The following GPAT3 variants were observed in gnomAD, a reference collection of about 807,000 sequenced individuals.
The protein encoded by GPAT3 is glycerol-3-phosphate acyltransferase 3, also known as 1-AGP acyltransferase 9.
In GPAT3, 53 loss-of-function variants were observed where a neutral mutation model predicts 58.8. The ratio of observed to expected loss-of-function variants is 0.90; its 90% CI spans 0.72 to 1.13. GPAT3 has a LOEUF of 1.13. GPAT3 is among the 50% of genes most tolerant of loss of function. The pLI is 0.00. For missense variants in GPAT3, 511 were observed against 527.6 expected, an observed-to-expected ratio of 0.97 and a Z score of 0.31; for synonymous variants, 197 against 187.4, an observed-to-expected ratio of 1.05 and a Z score of -0.42.
intron 1 of GPAT3, among the ~76,000 whole-genome samples, chr4:83,543,954 C>G (rs538084723): frequency 6.6e-6 from 1 of 152,096 alleles, no homozygotes; most frequent in Admixed American, 6.6e-5. Context: ...ATGATTTCAT[C>G]GAGTCCTTTC....
In GPAT3 at chr4:83,536,742, G is replaced by C; in HGVS notation, c.120G>C (p.Lys40Asn). ...TGGGCATCTCCGAGATCTACATGAAGATCCTAGTGAAAACTTTAGAGGTGA... is the reference window on the plus strand; with the variant it reads ...TGGGCATCTCCGAGATCTACATGAACATCCTAGTGAAAACTTTAGAGGTGA... The part of the protein sequence containing the change: ...VSLGISEIYM[K>N]ILVKTLEWAT... Residue 40 changes from lysine to asparagine, a missense_variant, in exon 1 of 12, where the codon AAG (lysine) becomes AAC (asparagine). By Grantham distance (94) the Lys-to-Asn change is moderately conservative. Transcript: ENST00000264409. 2.5e-6 allele frequency: 4 copies of C among 1,612,508 alleles called. No homozygotes were observed. The highest frequency in any genetic ancestry group is 3.4e-6 in the Non-Finnish European group (4 of 1,179,700).
intron 2 of GPAT3, among the ~76,000 whole-genome samples, chr4:83,552,824 G>T (rs933381709): frequency 3.3e-5 from 5 of 152,110 alleles, no homozygotes; most frequent in African/African-American, 1.2e-4. Context: ...TAGGAGGTGG[G>T]GCCTTTGGGA....
chr4:83,549,471 GTATATATA>G (rs57866394), intron 2 of GPAT3, among the ~76,000 whole-genome samples: 2 of 98,954 alleles, frequency 2.0e-5, no homozygotes, highest in African/African-American at 5.7e-5. Flanking sequence ...GTGTGTGTAT[GTATATATA>G]TATGAAATAT....
chr4:83,549,467 GTA>G (rs771797410), intron 2 of GPAT3, among the ~76,000 whole-genome samples: 45,872 of 147,480 alleles, frequency 0.31, 7,255 homozygotes, highest in Middle Eastern at 0.43. Flanking sequence ...GTGTGTGTGT[GTA>G]TGTATATATA....
chr4:83,573,903 C>T (rs1725693167), intron 2 of GPAT3, among the ~76,000 whole-genome samples: 1 of 152,170 alleles, frequency 6.6e-6, no homozygotes, highest in Admixed American at 6.5e-5. Context: ...ACCAGTACCC[C>T]AGAACATTCC....
chr4:83,537,689 C>T (rs1485464873), intron 1 of GPAT3, among the ~76,000 whole-genome samples: 1 of 151,734 alleles, frequency 6.6e-6, no homozygotes, highest in Non-Finnish European at 1.5e-5. Flanking sequence ...CTCCTGGCCT[C>T]AAGCAATCTT....
At chr4:83,563,504 T>TG (rs1373273438) in intron 2 of GPAT3, among the ~76,000 whole-genome samples, 1 of 141,228 alleles carries the variant, frequency 7.1e-6, no homozygotes, top group Non-Finnish European at 1.5e-5. Flanking sequence ...TTTTTTGAGA[T>TG]GGAGTCTCAC....
At chr4:83,549,587 C>T (rs1724674903) in intron 2 of GPAT3, among the ~76,000 whole-genome samples, 1 of 150,202 alleles carries the variant, frequency 6.7e-6, no homozygotes, top group South Asian at 2.1e-4. Context: ...GGCTAGAGTG[C>T]AGTGGGGCAA....
chr4:83,567,407 C>T (rs1725439743), intron 2 of GPAT3, among the ~76,000 whole-genome samples: 1 of 152,058 alleles, frequency 6.6e-6, no homozygotes, highest in Non-Finnish European at 1.5e-5. Context: ...ATAGATTACC[C>T]CTCTTAGACC....
chr4:83,542,392 C>T (rs933084077), intron 1 of GPAT3, among the ~76,000 whole-genome samples: 2 of 152,192 alleles, frequency 1.3e-5, no homozygotes, highest in Admixed American at 1.3e-4. Context: ...CAAAAGATAA[C>T]AGGATGCAAT....
chr4:83,543,050 C>T (rs138248951), intron 1 of GPAT3, among the ~76,000 whole-genome samples: 8 of 152,186 alleles, frequency 5.3e-5, no homozygotes, highest in African/African-American at 1.9e-4. Context: ...CCTGTAATCC[C>T]AGCACTTTGG....
intron 2 of GPAT3, among the ~76,000 whole-genome samples, chr4:83,564,721 A>C (rs528895933): frequency 3.9e-5 from 6 of 152,238 alleles, no homozygotes; most frequent in African/African-American, 1.4e-4. Context: ...AAAAAGGATT[A>C]GCTTTTGTCT....
chr4:83,546,668 C>T (rs1387673068), intron 2 of GPAT3, among the ~76,000 whole-genome samples: 1 of 152,084 alleles, frequency 6.6e-6, no homozygotes, highest in East Asian at 1.9e-4. Context: ...AGTTATTGAA[C>T]AACTGCAACA....
chr4:83,597,500 T>A lies in GPAT3; in HGVS notation c.981T>A (p.His327Gln). The A allele has an allele frequency of 6.4e-7, 1 of 1,566,572 alleles. No individual in the cohort carries two copies. Among genetic ancestry groups the A allele is most frequent in the Non-Finnish European group, 8.7e-7 (1 of 1,152,984 alleles). Reference sequence around the variant, plus strand: ...GCTTTGAAATTGGAGGAACCATACATCCAGTTGCAATTAAGGTAAAACAGA... The same window carrying A: ...GCTTTGAAATTGGAGGAACCATACAACCAGTTGCAATTAAGGTAAAACAGA... ...KGSFEIGGTI[H>Q]PVAIKYNPQF... Residue 327 changes from histidine to glutamine, a missense_variant, in exon 9 of 12, where the codon CAT (histidine) becomes CAA (glutamine). Physicochemically the swap from His to Gln is conservative, Grantham distance 24. Transcript: ENST00000264409.
chr4:83,602,254 A>G (rs1463759354), intron 11 of GPAT3, among the ~76,000 whole-genome samples: 1 of 152,192 alleles, frequency 6.6e-6, no homozygotes, highest in East Asian at 1.9e-4. Context: ...AGAGACAAGA[A>G]CAACCTAGGG....
At position 83,597,922 on chromosome 4, in the gene GPAT3, C is replaced by T. The variant is rs1353683462; in HGVS notation, c.997-129C>T. The T allele has an allele frequency of 1.0e-5, 11 of 1,062,802 alleles. No individual in the cohort carries two copies. The East Asian group carries it at 2.3e-4, about 22-fold the overall frequency. 65.8% of individuals were successfully genotyped at this position (1,062,802 alleles called of 1,614,324 possible). ...AGTTTACTTTTTTTTTGATAAATTC[C>T]ATCAAGTGAAATAACTTTTTTTTTC... is the stretch of plus-strand genomic sequence containing the variant. On this transcript the variant is annotated intron_variant, in intron 9 of 11. Transcript: ENST00000264409.
rs1281159936 is a variant in GPAT3, at chr4:83,536,771, C to G, written c.141+8C>G. ...CTAGTGAAAACTTTAGAGGTGAGTG[C>G]CGGGAGGGATGCAGCCAGCCCCACA... On this transcript the variant is annotated splice_region_variant and intron_variant, in intron 1 of 11. Coordinates refer to ENST00000264409, the MANE Select transcript of GPAT3 (RefSeq NM_032717.5). 1 of 1,603,424 alleles carries G rather than the reference C, an allele frequency of 6.2e-7. No homozygotes were observed. The highest frequency in any genetic ancestry group is 2.2e-5 in the East Asian group (1 of 44,758).
In GPAT3 at chr4:83,578,963, T is replaced by TCTTG. The variant is rs1180312888; in HGVS notation, c.209-2596_209-2595insGCTT. On this transcript the variant is annotated intron_variant, in intron 2 of 11. Transcript: ENST00000264409. Reference sequence around the variant, plus strand: ...TTTTCTTTTCTTTTCTTTCTTTCTTTCTTTCTTTCTTTCTTTCTTTCTTTC... The same window carrying TCTTG: ...TTTTCTTTTCTTTTCTTTCTTTCTTTCTTGCTTTCTTTCTTTCTTTCTTTCTTTC... Among the ~76,000 whole-genome samples the TCTTG allele has an allele frequency of 3.0e-3, 375 of 123,134 alleles. 15 individuals carry two copies. The highest frequency in any genetic ancestry group is 0.012 in the African/African-American group (345 of 28,750). 80.8% of individuals were successfully genotyped at this position (123,134 alleles called of 152,430 possible).
Position 83,546,885 on chromosome 4 carries a change from C to T in GPAT3, c.208+2283C>T, listed in dbSNP as rs549756885. Among the ~76,000 whole-genome samples the T allele has an allele frequency of 2.8e-4, 43 of 152,224 alleles. No homozygotes were observed. The South Asian group carries it at 7.9e-3, about 28-fold the overall frequency. ...TGCAACTTTGCTCCCCTCCTGATTTCGTGCTTGGGTATCCAGGGGTACTTA... is the reference window on the plus strand; with the variant it reads ...TGCAACTTTGCTCCCCTCCTGATTTTGTGCTTGGGTATCCAGGGGTACTTA... On this transcript the variant is annotated intron_variant, in intron 2 of 11. Transcript: ENST00000264409.
Sources: gnomAD v4.1 joint callset for allele counts (sites outside exome capture counted in the v4.1 genomes callset) on GRCh38, gnomAD v4.1.1 for gene constraint, MANE v1.5 for transcripts, NCBI Gene and HGNC (gene_info 2026-07-23, HGNC 2026-07-21) for gene names.